Variants in BTN3A3 observed in about 807,000 individuals in gnomAD.
The protein encoded by BTN3A3 is butyrophilin 3.
Under a neutral mutation model 43.2 loss-of-function variants are expected in BTN3A3, and 39 were observed. That is an observed-to-expected ratio of 0.90 (90% confidence interval 0.70 to 1.18). The LOEUF (loss-of-function observed/expected upper bound fraction) is 1.18, where lower values mean the gene tolerates loss of function less well. Among genes scored for constraint, BTN3A3 ranks in the 50% most tolerant of loss-of-function variants. The probability of loss-of-function intolerance (pLI) is 0.00; values close to 1 mark genes in which losing one functional copy is unlikely to be tolerated. For synonymous variants in BTN3A3, 255 were observed against 272.7 expected (o/e 0.93, Z 0.64); for missense variants, 631 against 722.8 (o/e 0.87, Z 1.46).
In BTN3A3 at chr6:26,440,630, C is replaced by A. The variant is rs1316367252; in HGVS notation, c.-85C>A. 4 of 152,198 alleles carry A rather than the reference C, an allele frequency of 2.6e-5. No individual in the cohort carries two copies. Among genetic ancestry groups the A allele is most frequent in the Non-Finnish European group, 5.9e-5 (4 of 68,022 alleles). 9.4% of individuals were successfully genotyped at this position (152,198 alleles called of 1,614,324 possible). A position where few individuals can be genotyped will look rare whatever the true frequency, so the allele number is the denominator to read the frequency against. ...CCATTCTTCAGTGGGCTGTGATTTTCAGAGGGGAATACTAAGAAGTAAGTG... is the reference window on the plus strand; with the variant it reads ...CCATTCTTCAGTGGGCTGTGATTTTAAGAGGGGAATACTAAGAAGTAAGTG... On this transcript the variant is annotated 5_prime_UTR_variant, in exon 1 of 11. Transcript: ENST00000244519.
At chr6:26,441,945 A>G (rs1026291150) in intron 1 of BTN3A3, among the ~76,000 whole-genome samples, 1 of 152,262 alleles carries the variant, frequency 6.6e-6, no homozygotes, top group Admixed American at 6.5e-5. Flanking sequence ...AGAAATTGTT[A>G]ACTTTGAAAC....
chr6:26,451,566 G>C, intron 10 of BTN3A3, 109 bp from the exon 11 acceptor site: 1 of 1,495,210 alleles, frequency 6.7e-7, no homozygotes, highest in Non-Finnish European at 8.9e-7. Flanking sequence ...GGCTAGGGAC[G>C]CCAGGTTCTG....
At chr6:26,447,999 A>G (rs1008871968) in intron 5 of BTN3A3, among the ~76,000 whole-genome samples, 3 of 152,214 alleles carry the variant, frequency 2.0e-5, no homozygotes, top group East Asian at 1.9e-4. Flanking sequence ...AAAAATGAGT[A>G]TGACTCTGCT....
In BTN3A3 at chr6:26,448,751, G is replaced by A. The variant is rs769229318; in HGVS notation, c.961G>A (p.Ala321Thr). 38 of 1,613,582 alleles carry A rather than the reference G, an allele frequency of 2.4e-5. No homozygotes were observed. The highest frequency in any genetic ancestry group is 1.6e-4 in the Middle Eastern group (1 of 6,084). Residue 321 changes from alanine (A) to threonine (T), a missense_variant, in exon 8 of 11, where the codon GCT becomes ACT. This residue lies in a region of BTN3A3 where 551 missense variants were observed against 584.0 expected (regional missense o/e 0.94). Coordinates refer to ENST00000244519, the MANE Select transcript of BTN3A3 (RefSeq NM_006994.5). ...ELKWRKIQYM[A>T]RGEKSLAYHE... is the part of the protein sequence containing the mutation. ...AGAGTGGAGGAAAATCCAGTACATGGCTCGTGAGTGACTCTGACATTTTCT... is the reference window on the plus strand; with the variant it reads ...AGAGTGGAGGAAAATCCAGTACATGACTCGTGAGTGACTCTGACATTTTCT...
At position 26,443,747 on chromosome 6, in the gene BTN3A3, G is replaced by A. The variant is rs1321234841; in HGVS notation, c.85+88G>A. On this transcript the variant is annotated intron_variant, in intron 3 of 10. Transcript: ENST00000244519. ...TAATTAAGCAGACAATTACCTAAAT[G>A]CCCTCTTAGAACCTTTAACTCATTC... The A allele has an allele frequency of 4.6e-6, 7 of 1,526,624 alleles. No individual in the cohort carries two copies. The East Asian group carries it at 1.1e-4, about 25-fold the overall frequency. 94.6% of individuals were successfully genotyped at this position (1,526,624 alleles called of 1,614,324 possible).
intron 5 of BTN3A3, among the ~76,000 whole-genome samples, chr6:26,446,582 C>G (rs901618083): frequency 6.6e-6 from 1 of 152,204 alleles, no homozygotes; most frequent in Non-Finnish European, 1.5e-5. Flanking sequence ...GCTCGTGTCA[C>G]TTGTATTTTT....
rs372470667 is a variant in BTN3A3 at position 26,451,649 on chromosome 6, T to C, written c.1019-26T>C. The stretch of plus-strand genomic sequence containing the variant: ...AATCCAGGAAAAATGGCTGACCCCA[T>C]GGACACCTCCTCAAACTCTCTGCAG... On this transcript the variant is annotated intron_variant, in intron 10 of 10. Coordinates refer to ENST00000244519, the MANE Select transcript of BTN3A3 (RefSeq NM_006994.5). 6.9e-6 allele frequency: 11 copies of C among 1,590,676 alleles called. No individual in the cohort carries two copies. The African/African-American group carries it at 8.1e-5, about 12-fold the overall frequency.
At chr6:26,445,677 A>G in intron 4 of BTN3A3, 27 bp from the exon 5 acceptor site, 1 of 1,603,672 alleles carries the variant, frequency 6.2e-7, no homozygotes, top group South Asian at 1.1e-5. Context: ...AGCTCTCAAG[A>G]ATTTAGGGCA....
chr6:26,444,214 A>C lies in BTN3A3; in HGVS notation c.343A>C (p.Asn115His). The part of the protein sequence containing the change: ...TAGKAALRIH[N>H]VTASDSGKYL... ...AGGGAAGGCTGCTCTCCGAATACACAACGTCACAGCCTCTGACAGTGGAAA... is the reference window on the plus strand; with the variant it reads ...AGGGAAGGCTGCTCTCCGAATACACCACGTCACAGCCTCTGACAGTGGAAA... The change falls in exon 4 of 11, where the codon AAC becomes CAC. Residue 115 changes from asparagine to histidine, a missense_variant. Coordinates refer to ENST00000244519, the MANE Select transcript of BTN3A3 (RefSeq NM_006994.5). 1 of 1,612,034 alleles carries C rather than the reference A, an allele frequency of 6.2e-7. No homozygotes were observed. The highest frequency in any genetic ancestry group is 1.7e-5 in the Admixed American group (1 of 60,016).
In BTN3A3 at chr6:26,450,076, C is replaced by G. The variant is rs755256121; in HGVS notation, c.992-31C>G. The G allele has an allele frequency of 3.7e-6, 6 of 1,610,752 alleles. No individual in the cohort carries two copies. In the Admixed American group the frequency reaches 6.7e-5, roughly 18 times the overall value. ...TGGAGAAAAGAACAAAAATACTGAC[C>G]TTTTTCTTATCTGTGTCTCCTTCCT... is the stretch of plus-strand genomic sequence containing the variant. On this transcript the variant is annotated intron_variant, in intron 9 of 10. Coordinates refer to ENST00000244519, the MANE Select transcript of BTN3A3 (RefSeq NM_006994.5).
chr6:26,442,403 T>A (rs1256130085), intron 1 of BTN3A3, among the ~76,000 whole-genome samples: 1 of 152,224 alleles, frequency 6.6e-6, no homozygotes, highest in East Asian at 1.9e-4. Flanking sequence ...ACTTCCGATC[T>A]TCAGTTTAGC....
rs542868893 is a variant in BTN3A3 at position 26,450,029 on chromosome 6, G to A, written c.992-78G>A. 3.5e-5 allele frequency: 51 copies of A among 1,468,282 alleles called. No individual in the cohort carries two copies. The African/African-American group carries it at 3.6e-4, about 10-fold the overall frequency. 91.0% of individuals were successfully genotyped at this position (1,468,282 alleles called of 1,614,324 possible). A position where few individuals can be genotyped will look rare whatever the true frequency, so the allele number is the denominator to read the frequency against. On this transcript the variant is annotated intron_variant, in intron 9 of 10. Transcript: ENST00000244519. ...GACTCTGAAGAAAAGGAGAGAAAACGTGTAGTGAAAGGAGAATGGAGTGGA... is the reference window on the plus strand; with the variant it reads ...GACTCTGAAGAAAAGGAGAGAAAACATGTAGTGAAAGGAGAATGGAGTGGA...
chr6:26,444,884 A>G (rs574343605), intron 4 of BTN3A3: 7 of 185,066 alleles, frequency 3.8e-5, no homozygotes, highest in African/African-American at 1.4e-4. Flanking sequence ...GGGAGGGTTT[A>G]TAGACTTAGC....
At chr6:26,447,954 T>C (rs1397880470) in intron 5 of BTN3A3, among the ~76,000 whole-genome samples, 2 of 152,172 alleles carry the variant, frequency 1.3e-5, no homozygotes, top group Admixed American at 6.5e-5. Context: ...TTTTGAACCA[T>C]GTAAATGTGT....
chr6:26,441,761 G>A (rs1298201432), intron 1 of BTN3A3, among the ~76,000 whole-genome samples: 1 of 151,960 alleles, frequency 6.6e-6, no homozygotes, highest in African/African-American at 2.4e-5. Context: ...AAACCCCTGG[G>A]CTCAAGGAAT....
Position 26,444,013 on chromosome 6 carries a change from G to A in BTN3A3, c.142G>A (p.Ala48Thr). ...CATCCTGGCCATGGTGGGTGAAGACGCTGATCTGCCCTGTCACCTGTTCCC... is the reference window on the plus strand; with the variant it reads ...CATCCTGGCCATGGTGGGTGAAGACACTGATCTGCCCTGTCACCTGTTCCC... ...GPILAMVGED[A>T]DLPCHLFPTM... Residue 48 changes from alanine to threonine, a missense_variant, in exon 4 of 11, where the codon GCT becomes ACT. By Grantham distance (58) the Ala-to-Thr change is moderately conservative. Transcript: ENST00000244519. 6.2e-7 allele frequency: 1 copy of A among 1,613,956 alleles called. No individual in the cohort carries two copies. The highest frequency in any genetic ancestry group is 8.5e-7 in the Non-Finnish European group (1 of 1,179,862).
At position 26,444,899 on chromosome 6, in the gene BTN3A3, T is replaced by C. The variant is rs79226607; in HGVS notation, c.433+595T>C. The C allele has an allele frequency of 6.5e-3, 1,118 of 172,372 alleles. 7 individuals are homozygous for C. The highest frequency in any genetic ancestry group is 0.019 in the Middle Eastern group (6 of 316). The allele number at this position is 172,372 out of a possible 1,614,324, so 10.7% of individuals were successfully genotyped here. The stretch of plus-strand genomic sequence containing the variant: ...GGGAGGGTTTATAGACTTAGCTCTC[T>C]TCTCTGGATGAGATACTGTCAGGAA... On this transcript the variant is annotated intron_variant, in intron 4 of 10. Coordinates refer to ENST00000244519, the MANE Select transcript of BTN3A3 (RefSeq NM_006994.5).
intron 5 of BTN3A3, among the ~76,000 whole-genome samples, chr6:26,446,705 G>T (rs577578955): frequency 5.9e-5 from 9 of 152,228 alleles, no homozygotes; most frequent in Admixed American, 6.5e-5. Context: ...CCATGTAAAA[G>T]GTTTCTGGGG....
chr6:26,452,709 A>G lies in BTN3A3; in HGVS notation c.*298A>G, dbSNP rs1195292927. The G allele has an allele frequency of 2.1e-5, 7 of 331,074 alleles. No individual in the cohort carries two copies. Among genetic ancestry groups the G allele is most frequent in the Non-Finnish European group, 3.9e-5 (7 of 180,372 alleles). 20.5% of individuals were successfully genotyped at this position (331,074 alleles called of 1,614,324 possible). A position where few individuals can be genotyped will look rare whatever the true frequency, so the allele number is the denominator to read the frequency against. On this transcript the variant is annotated 3_prime_UTR_variant, in exon 11 of 11. Coordinates refer to ENST00000244519, the MANE Select transcript of BTN3A3 (RefSeq NM_006994.5). ...AGCTGAGGCAGGGCAACATGAAGTA[A>G]CTTACATAACTCATACAGTAATTTG...
Sources: gnomAD v4.1 joint callset for allele counts (sites outside exome capture counted in the v4.1 genomes callset) on GRCh38, gnomAD v4.1.1 for gene constraint, gnomAD v4.1.1 regional missense constraint, MANE v1.5 for transcripts, NCBI Gene and HGNC (gene_info 2026-07-23, HGNC 2026-07-21) for gene names.